The following ADGRG2 variants were observed in gnomAD, a reference collection of about 807,000 sequenced individuals.
ADGRG2 encodes the protein adhesion G protein-coupled receptor G2, also known as G protein-coupled receptor 64.
In ADGRG2, 26 loss-of-function variants were observed where a neutral mutation model predicts 74.1. The observed-to-expected ratio is 0.35, with a 90% CI of 0.26 to 0.49. The LOEUF is 0.49. Among genes scored for constraint, ADGRG2 ranks in the 20% least tolerant of loss-of-function variants. ADGRG2 has a pLI of 0.99. For synonymous variants in ADGRG2, 296 were observed against 295.2 expected, an observed-to-expected ratio of 1.00 and a Z score of -0.03; for missense variants, 619 against 763.1, an observed-to-expected ratio of 0.81 and a Z score of 2.22.
chrX:19,071,152 A>G (rs2061647880), intron 2 of ADGRG2, among the ~76,000 whole-genome samples: 1 of 111,793 alleles, frequency 8.9e-6, no homozygotes, highest in South Asian at 3.8e-4. Flanking sequence ...GAATACTCAT[A>G]ACCAGCACTA....
chrX:19,062,018 G>A (rs1476754028), intron 3 of ADGRG2, among the ~76,000 whole-genome samples: 5 of 111,499 alleles, frequency 4.5e-5, no homozygotes, highest in African/African-American at 1.6e-4. Flanking sequence ...AGGCCTGGGG[G>A]GTCCTTCTCC....
At chrX:18,996,366 A>G (rs765916835) in intron 26 of ADGRG2, among the ~76,000 whole-genome samples, 6 of 111,441 alleles carry the variant, frequency 5.4e-5, no homozygotes, top group African/African-American at 2.0e-4. Flanking sequence ...GATTAAGAAT[A>G]TTTATATGAT....
At chrX:19,037,783 G>T (rs2060972928) in intron 4 of ADGRG2, 147 bp from the exon 5 acceptor site, 1 of 411,221 alleles carries the variant, frequency 2.4e-6, no homozygotes, top group African/African-American at 2.6e-5. Flanking sequence ...TGTCCCATAA[G>T]CGCTCAGTGA....
chrX:19,082,072 C>CAAAAAAAAAAAAAAAAAAAAAAAAAAA (rs57534658), intron 2 of ADGRG2, among the ~76,000 whole-genome samples: 5 of 21,204 alleles, frequency 2.4e-4, no homozygotes, highest in African/African-American at 2.9e-4. Flanking sequence ...GACCCTGTCT[C>CAAAAAAAAAAAAAAAAAAAAAAAAAAA]AAAAAAAAAA....
In ADGRG2 at chrX:19,007,415, G is replaced by A; in HGVS notation, c.1567-58C>T. 3 of 1,033,810 alleles carry A rather than the reference G, an allele frequency of 2.9e-6. No homozygotes were observed. In the South Asian group the frequency reaches 5.9e-5, roughly 20 times the overall value. The allele number at this position is 1,033,810 out of a possible 1,213,427, so 85.2% of individuals were successfully genotyped here. A position where few individuals can be genotyped will look rare whatever the true frequency, so the allele number is the denominator to read the frequency against. ...TATTGTCAGAGTTTTAGAGCTAGAA[G>A]GAACACTAAGGAATATTCAGTCCAC... On this transcript the variant is annotated intron_variant, in intron 19 of 28. Transcript: ENST00000379869.
At position 19,121,898 on chromosome X, in the gene ADGRG2, G is replaced by C. The variant is rs898025677; in HGVS notation, c.-47+544C>G. On this transcript the variant is annotated intron_variant, in intron 1 of 28. Coordinates refer to ENST00000379869, the MANE Select transcript of ADGRG2 (RefSeq NM_001079858.3). ...ACCACGAGCCCCCTCCTTCCCCGGC[G>C]TGCTCACCCCCTGGCTCCGGGCCGC... 2.7e-5 allele frequency among the ~76,000 whole-genome samples: 3 copies of C among 111,565 alleles called. No homozygotes were observed. The East Asian group carries it at 8.6e-4, about 32-fold the overall frequency.
At chrX:19,012,144 A>G (rs1190049512) in intron 16 of ADGRG2, among the ~76,000 whole-genome samples, 1 of 112,353 alleles carries the variant, frequency 8.9e-6, no homozygotes, top group African/African-American at 3.2e-5. Flanking sequence ...ATGGTCGCAT[A>G]ATAGTCATTG....
rs192999718 is a variant in ADGRG2 at position 19,018,293 on chromosome X, G to T, written c.710+1306C>A. The stretch of plus-strand genomic sequence containing the variant: ...CAGTTTTTTGTTTGTTTGTTTGTTT[G>T]TTTTTTTTTAATTTTTTAGTAGAAA... On this transcript the variant is annotated intron_variant, in intron 15 of 28. Transcript: ENST00000379869. Among the ~76,000 whole-genome samples the T allele has an allele frequency of 9.3e-3, 977 of 104,504 alleles. 12 individuals are homozygous for T. The highest frequency in any genetic ancestry group is 0.028 in the African/African-American group (754 of 26,928). 90.7% of individuals were successfully genotyped at this position (104,504 alleles called of 115,157 possible). A position where few individuals can be genotyped will look rare whatever the true frequency, so the allele number is the denominator to read the frequency against.
chrX:19,027,513 T>C (rs940394421), intron 10 of ADGRG2, among the ~76,000 whole-genome samples: 2 of 112,679 alleles, frequency 1.8e-5, no homozygotes, highest in African/African-American at 6.4e-5. Context: ...TTTTGTTTCA[T>C]GTTTTCTTTA....
Position 19,002,981 on chromosome X carries a change from C to T in ADGRG2, c.2095G>A (p.Val699Ile). 1 of 1,209,560 alleles carries T rather than the reference C, an allele frequency of 8.3e-7. No individual in the cohort carries two copies. The highest frequency in any genetic ancestry group is 1.1e-6 in the Non-Finnish European group (1 of 893,502). The change falls in exon 24 of 29, where the codon GTA becomes ATA. Residue 699 changes from valine to isoleucine, a missense_variant. Physicochemically the swap from Val to Ile is conservative, Grantham distance 29. Coordinates refer to ENST00000379869, the MANE Select transcript of ADGRG2 (RefSeq NM_001079858.3). ...KMQGLCISVA[V>I]FLHYFLLVSF... is the part of the protein sequence containing the mutation. ...ACCAAGAGAAAATAATGAAGAAATA[C>T]AGCCACTGAGATGCAGAGGCCTTGC...
At chrX:19,100,253 A>G (rs752860399) in intron 1 of ADGRG2, among the ~76,000 whole-genome samples, 5 of 112,894 alleles carry the variant, frequency 4.4e-5, no homozygotes, top group Non-Finnish European at 9.4e-5. Flanking sequence ...TATCATAGGT[A>G]AAAATCTGCA....
intron 1 of ADGRG2, among the ~76,000 whole-genome samples, chrX:19,086,476 C>T (rs1481431502): frequency 1.8e-5 from 2 of 110,899 alleles, no homozygotes; most frequent in Admixed American, 9.6e-5. Flanking sequence ...ACCAGCGTGA[C>T]CCAAAAAAAT....
chrX:19,096,869 G>A, intron 1 of ADGRG2, among the ~76,000 whole-genome samples: 1 of 112,786 alleles, frequency 8.9e-6, no homozygotes. Flanking sequence ...TACAGGGAAA[G>A]TGCTTAGCAG....
chrX:19,006,213 A>AACTT lies in ADGRG2; in HGVS notation c.1735+3_1735+6dup. The AACTT allele has an allele frequency of 8.5e-7, 1 of 1,177,281 alleles. No individual in the cohort carries two copies. Among genetic ancestry groups the AACTT allele is most frequent in the East Asian group, 3.0e-5 (1 of 33,730 alleles). ...AAGAGTTTGAAAAGGTTATGACTGG[A>AACTT]ACTTACCATTTCTGCCCAAGTCCCA... On this transcript the variant is annotated splice_region_variant and intron_variant, in intron 21 of 28. Transcript: ENST00000379869.
intron 13 of ADGRG2, 57 bp from the exon 14 acceptor site, chrX:19,021,255 A>G (rs946035800): frequency 1.6e-4 from 102 of 640,054 alleles, no homozygotes; most frequent in Non-Finnish European, 1.1e-4. Flanking sequence ...CTACTTACAT[A>G]TTTGTAATTG....
At chrX:19,023,971 G>C (rs968189059) in intron 11 of ADGRG2, 23 bp from the exon 12 acceptor site, 1 of 1,105,406 alleles carries the variant, frequency 9.0e-7, no homozygotes, top group Non-Finnish European at 1.2e-6. Context: ...GAGAGAAATT[G>C]ACATTAAGGA....
chrX:19,041,296 A>AT, intron 3 of ADGRG2, among the ~76,000 whole-genome samples: 1 of 112,110 alleles, frequency 8.9e-6, no homozygotes, highest in South Asian at 3.6e-4. Flanking sequence ...TTTTACATAC[A>AT]TATGTGGCTA....
At chrX:19,072,532 C>T (rs566994109) in intron 2 of ADGRG2, among the ~76,000 whole-genome samples, 93 of 111,736 alleles carry the variant, frequency 8.3e-4, no homozygotes, top group Non-Finnish European at 1.4e-3. Flanking sequence ...AAGGCAAATT[C>T]GTGTACTCAG....
At position 19,002,766 on chromosome X, in the gene ADGRG2, G is replaced by A. The variant is rs1470606967; in HGVS notation, c.2230+80C>T. ...CTTGCTGAATGTGATCTGCTTCATCGTTTCCACCTGCTCAAAAATCAAAAC... is the reference window on the plus strand; with the variant it reads ...CTTGCTGAATGTGATCTGCTTCATCATTTCCACCTGCTCAAAAATCAAAAC... On this transcript the variant is annotated intron_variant, in intron 24 of 28. Coordinates refer to ENST00000379869, the MANE Select transcript of ADGRG2 (RefSeq NM_001079858.3). The A allele has an allele frequency of 9.3e-6, 9 of 967,181 alleles. No individual in the cohort carries two copies. The East Asian group carries it at 1.8e-4, about 20-fold the overall frequency. The allele number at this position is 967,181 out of a possible 1,213,427, so 79.7% of individuals were successfully genotyped here.
Sources: gnomAD v4.1 joint callset for allele counts (sites outside exome capture counted in the v4.1 genomes callset) on GRCh38, gnomAD v4.1.1 for gene constraint, MANE v1.5 for transcripts, NCBI Gene and HGNC (gene_info 2026-07-23, HGNC 2026-07-21) for gene names.